ATRNL1: variants seen among roughly 807,000 people sequenced by gnomAD.
ATRNL1 encodes attractin-like protein 1.
In ATRNL1, 95 loss-of-function variants were observed where a neutral mutation model predicts 182.7. The observed-to-expected ratio is 0.52, with a 90% CI of 0.44 to 0.62. The LOEUF (loss-of-function observed/expected upper bound fraction) is 0.62, where lower values mean the gene tolerates loss of function less well. ATRNL1 is among the 20% of genes least tolerant of loss of function. ATRNL1 has a pLI of 0.00. For missense variants in ATRNL1, 1,471 were observed against 1,679.5 expected (o/e 0.88, Z 2.17); for synonymous variants, 576 against 568.3 (o/e 1.01, Z -0.19).
At chr10:115,834,099 C>T (rs782512313) in intron 27 of ATRNL1, among the ~76,000 whole-genome samples, 1 of 152,150 alleles carries the variant, frequency 6.6e-6, no homozygotes, top group Non-Finnish European at 1.5e-5. Context: ...TGGTGGCTAC[C>T]GCTATGCTCT....
rs564450254 is a variant in ATRNL1 at position 115,180,365 on chromosome 10, C to T, written c.1348+9073C>T. Among the ~76,000 whole-genome samples the T allele has an allele frequency of 3.9e-5, 6 of 151,938 alleles. No homozygotes were observed. The East Asian group carries it at 1.2e-3, about 29-fold the overall frequency. The stretch of plus-strand genomic sequence containing the variant: ...AGGCTTTCTTTGATTTTGTTTATCA[C>T]GATTATTACCAAGATTCATCCATGT... On this transcript the variant is annotated intron_variant, in intron 8 of 28. Coordinates refer to ENST00000355044, the MANE Select transcript of ATRNL1 (RefSeq NM_207303.4).
At chr10:115,115,723 T>C (rs1479680869) in intron 1 of ATRNL1, among the ~76,000 whole-genome samples, 1 of 152,114 alleles carries the variant, frequency 6.6e-6, no homozygotes, top group African/African-American at 2.4e-5. Context: ...ACCTATATTC[T>C]GTGATAAACA....
intron 9 of ATRNL1, among the ~76,000 whole-genome samples, chr10:115,227,526 C>T (rs145695863): frequency 6.1e-4 from 93 of 152,238 alleles, no homozygotes; most frequent in African/African-American, 2.1e-3. Context: ...TCTTAAAGAA[C>T]TGAGCTACCA....
intron 28 of ATRNL1, among the ~76,000 whole-genome samples, chr10:115,848,493 A>G (rs1555099633): frequency 6.6e-6 from 1 of 152,152 alleles, no homozygotes; most frequent in Admixed American, 6.6e-5. Context: ...AAGATATGCC[A>G]TTGCTTTCAG....
chr10:115,535,829 T>C (rs1169098379), intron 25 of ATRNL1, among the ~76,000 whole-genome samples: 3 of 152,130 alleles, frequency 2.0e-5, no homozygotes, highest in Non-Finnish European at 4.4e-5. Flanking sequence ...TTCTAGCAGA[T>C]AGGACCGTCA....
chr10:115,167,884 C>T (rs556779069), intron 7 of ATRNL1, among the ~76,000 whole-genome samples: 3 of 152,046 alleles, frequency 2.0e-5, no homozygotes, highest in African/African-American at 4.8e-5. Flanking sequence ...GTTGTGCAAC[C>T]ATCTATTGCA....
At chr10:115,448,997 C>G (rs1847153614) in intron 21 of ATRNL1, among the ~76,000 whole-genome samples, 1 of 152,130 alleles carries the variant, frequency 6.6e-6, no homozygotes, top group Admixed American at 6.5e-5. Context: ...AGAAGGGACC[C>G]CTCCCCATAT....
At position 115,111,476 on chromosome 10, in the gene ATRNL1, C is replaced by T. The variant is rs991463608; in HGVS notation, c.294-8709C>T. Among the ~76,000 whole-genome samples the T allele has an allele frequency of 3.9e-5, 6 of 152,140 alleles. 1 individual carries two copies. Among genetic ancestry groups the T allele is most frequent in the Non-Finnish European group, 8.8e-5 (6 of 68,030 alleles). ...TGCTTGTATTGCGGGGCTCAGGCTG[C>T]GTCTACTCATGGCAGAAGGCAAATG... is the stretch of plus-strand genomic sequence containing the variant. On this transcript the variant is annotated intron_variant, in intron 1 of 28. Coordinates refer to ENST00000355044, the MANE Select transcript of ATRNL1 (RefSeq NM_207303.4).
chr10:115,812,156 T>TTA (rs1555087136), intron 27 of ATRNL1, among the ~76,000 whole-genome samples: 3 of 152,124 alleles, frequency 2.0e-5, no homozygotes, highest in African/African-American at 7.2e-5. Flanking sequence ...TAATCTGTGT[T>TTA]ATATATTTAT....
At chr10:115,376,384 G>A (rs1421930797) in intron 19 of ATRNL1, among the ~76,000 whole-genome samples, 2 of 151,998 alleles carry the variant, frequency 1.3e-5, no homozygotes, top group African/African-American at 4.8e-5. Flanking sequence ...CAAATTCTAG[G>A]TCAAGCAATC....
intron 14 of ATRNL1, among the ~76,000 whole-genome samples, chr10:115,285,639 A>G (rs1330999138): frequency 6.6e-6 from 1 of 152,104 alleles, no homozygotes; most frequent in African/African-American, 2.4e-5. Context: ...GACATGAATA[A>G]TTGTGTAAAA....
chr10:115,523,791 C>CT (rs1554985870), intron 25 of ATRNL1, among the ~76,000 whole-genome samples: 1 of 152,192 alleles, frequency 6.6e-6, no homozygotes. Context: ...CCTCATTTTT[C>CT]TATCTTATGA....
intron 28 of ATRNL1, among the ~76,000 whole-genome samples, chr10:115,908,625 A>G (rs1402060420): frequency 1.3e-5 from 2 of 152,160 alleles, no homozygotes; most frequent in Admixed American, 6.5e-5. Flanking sequence ...GGCTTAGTAC[A>G]TGTGCATCCT....
In ATRNL1 at chr10:115,120,920, A is replaced by T. The variant is rs537517425; in HGVS notation, c.377+652A>T. On this transcript the variant is annotated intron_variant, in intron 2 of 28. Transcript: ENST00000355044. ...CATTGAGAATTTTGATTAAAATTTAAATAGTTTTTTAGTGCCTCCAACTTA... is the reference window on the plus strand; with the variant it reads ...CATTGAGAATTTTGATTAAAATTTATATAGTTTTTTAGTGCCTCCAACTTA... 1.4e-3 allele frequency among the ~76,000 whole-genome samples: 216 copies of T among 152,290 alleles called. 2 individuals are homozygous for T. Among genetic ancestry groups the T allele is most frequent in the Non-Finnish European group, 1.9e-3 (132 of 68,020 alleles).
intron 27 of ATRNL1, among the ~76,000 whole-genome samples, chr10:115,760,419 T>C (rs1948706395): frequency 6.6e-6 from 1 of 152,110 alleles, no homozygotes; most frequent in Non-Finnish European, 1.5e-5. Context: ...TAAATAAAAA[T>C]AATTTATAAC....
intron 28 of ATRNL1, among the ~76,000 whole-genome samples, chr10:115,891,713 T>C (rs1952083221): frequency 6.6e-6 from 1 of 152,140 alleles, no homozygotes; most frequent in Admixed American, 6.6e-5. Flanking sequence ...GACAGGTACT[T>C]CAAATATCAC....
intron 26 of ATRNL1, among the ~76,000 whole-genome samples, chr10:115,677,956 T>C (rs1555043580): frequency 6.6e-6 from 1 of 152,094 alleles, no homozygotes; most frequent in East Asian, 1.9e-4. Flanking sequence ...AGGCTGTTTG[T>C]AACTATTTAA....
intron 27 of ATRNL1, among the ~76,000 whole-genome samples, chr10:115,745,547 A>G (rs1555068926): frequency 6.6e-6 from 1 of 152,140 alleles, no homozygotes; most frequent in African/African-American, 2.4e-5. Context: ...GCAATTTTCC[A>G]AAGTGTATAT....
At chr10:115,532,039 G>C (rs1481402814) in intron 25 of ATRNL1, among the ~76,000 whole-genome samples, 4 of 151,006 alleles carry the variant, frequency 2.6e-5, no homozygotes, top group African/African-American at 9.7e-5. Flanking sequence ...TAGCCTTGTA[G>C]TATAGTTTGA....
Sources: gnomAD v4.1 joint callset for allele counts (sites outside exome capture counted in the v4.1 genomes callset) on GRCh38, gnomAD v4.1.1 for gene constraint, MANE v1.5 for transcripts, NCBI Gene and HGNC (gene_info 2026-07-23, HGNC 2026-07-21) for gene names.